Variants in CAPN13 observed in about 807,000 individuals in gnomAD.
CAPN13 encodes the protein calpain 13.
In CAPN13, 90 loss-of-function variants were observed where a neutral mutation model predicts 98.4. The observed-to-expected ratio is 0.92, with a 90% CI of 0.77 to 1.09. The LOEUF (loss-of-function observed/expected upper bound fraction) is 1.09, where lower values mean the gene tolerates loss of function less well. Ranked by LOEUF, CAPN13 falls within the 50% of genes least tolerant of loss-of-function variation. CAPN13 has a pLI of 0.00. For synonymous variants in CAPN13, 330 were observed against 305.5 expected, an observed-to-expected ratio of 1.08 and a Z score of -0.84; for missense variants, 887 against 841.3, an observed-to-expected ratio of 1.05 and a Z score of -0.67.
intron 11 of CAPN13, among the ~76,000 whole-genome samples, chr2:30,747,853 G>C (rs189753618): frequency 7.9e-5 from 12 of 152,372 alleles, no homozygotes; most frequent in Admixed American, 7.8e-4. Flanking sequence ...TGCAAGATCT[G>C]CTGGGATCTC....
intron 10 of CAPN13, among the ~76,000 whole-genome samples, chr2:30,752,560 G>A (rs1672227184): frequency 6.6e-6 from 1 of 152,158 alleles, no homozygotes; most frequent in Non-Finnish European, 1.5e-5. Flanking sequence ...CTTGTGTCTA[G>A]GTAGTGCTCT....
At chr2:30,798,706 C>A (rs911282375) in intron 1 of CAPN13, among the ~76,000 whole-genome samples, 1 of 152,214 alleles carries the variant, frequency 6.6e-6, no homozygotes, top group African/African-American at 2.4e-5. Context: ...TGTAGCAGAA[C>A]ACGACAGGGG....
At chr2:30,775,469 TA>T (rs557621909) in intron 4 of CAPN13, among the ~76,000 whole-genome samples, 4,042 of 152,036 alleles carry the variant, frequency 0.027, 67 homozygotes, top group Middle Eastern at 0.068. Flanking sequence ...TGGCTTTTTT[TA>T]AAAAAAATAG....
At chr2:30,764,385 T>A in intron 5 of CAPN13, 79 bp from the exon 6 acceptor site, 1 of 1,494,002 alleles carries the variant, frequency 6.7e-7, no homozygotes, top group African/African-American at 1.4e-5. Context: ...ACTGATCCTC[T>A]GCCTATTTCC....
At chr2:30,725,780 T>G (rs923428076) in intron 22 of CAPN13, among the ~76,000 whole-genome samples, 2 of 152,094 alleles carry the variant, frequency 1.3e-5, no homozygotes, top group African/African-American at 2.4e-5. Context: ...TTGGATAGAG[T>G]TGAAGTGACC....
chr2:30,778,939 C>A (rs1038697406), intron 2 of CAPN13, among the ~76,000 whole-genome samples: 1 of 152,156 alleles, frequency 6.6e-6, no homozygotes, highest in Non-Finnish European at 1.5e-5. Flanking sequence ...ATCCGGAGGG[C>A]CTTCGGCTGC....
At chr2:30,795,052 C>T (rs912656318) in intron 1 of CAPN13, among the ~76,000 whole-genome samples, 1 of 151,944 alleles carries the variant, frequency 6.6e-6, no homozygotes, top group African/African-American at 2.4e-5. Context: ...AAATTAAATG[C>T]TATATATAAT....
Position 30,779,213 on chromosome 2 carries a change from C to T in CAPN13, c.199-1574G>A, listed in dbSNP as rs1015114582. Among the ~76,000 whole-genome samples, 6 of 152,328 alleles carry T rather than the reference C, an allele frequency of 3.9e-5. 1 individual carries two copies. Among genetic ancestry groups the T allele is most frequent in the Non-Finnish European group, 5.9e-5 (4 of 68,028 alleles). On this transcript the variant is annotated intron_variant, in intron 2 of 22. Coordinates refer to ENST00000295055, the MANE Select transcript of CAPN13 (RefSeq NM_144575.3). ...CTGCTAGCTCCCCTCCAGGGATCCC[C>T]AGGGCAGGAGAAGGTGTGCTTGGAA...
rs187329777 is a variant in CAPN13 at position 30,796,883 on chromosome 2, A to C, written c.-32-9526T>G. ...ACAGGCTAGCCCAGCTCTAGGGGCC[A>C]CATTCCAAGAGGCTTATCGGCACTC... On this transcript the variant is annotated intron_variant, in intron 1 of 22. Transcript: ENST00000295055. Among the ~76,000 whole-genome samples the C allele has an allele frequency of 7.1e-3, 1,079 of 152,312 alleles. 16 individuals carry two copies. Among genetic ancestry groups the C allele is most frequent in the African/African-American group, 0.024 (1,011 of 41,560 alleles).
chr2:30,781,880 A>G (rs764423296), intron 2 of CAPN13, among the ~76,000 whole-genome samples: 2 of 152,208 alleles, frequency 1.3e-5, no homozygotes, highest in South Asian at 4.1e-4. Context: ...AGATATATTG[A>G]TATATTTACT....
At chr2:30,784,775 C>T (rs1342487753) in intron 2 of CAPN13, among the ~76,000 whole-genome samples, 1 of 152,202 alleles carries the variant, frequency 6.6e-6, no homozygotes, top group Non-Finnish European at 1.5e-5. Context: ...GGTCCCCCTA[C>T]TCTCTGATTC....
intron 1 of CAPN13, among the ~76,000 whole-genome samples, chr2:30,796,241 C>CAT (rs551265179): frequency 8.3e-5 from 11 of 131,850 alleles, no homozygotes; most frequent in African/African-American, 3.6e-4. Flanking sequence ...TATATGTGTG[C>CAT]ATATATATAT....
At chr2:30,771,086 C>T (rs1572850151) in intron 4 of CAPN13, among the ~76,000 whole-genome samples, 1 of 152,224 alleles carries the variant, frequency 6.6e-6, no homozygotes, top group South Asian at 2.1e-4. Context: ...TACTGGCTGG[C>T]ATCGCTACTG....
At chr2:30,770,698 T>C (rs1673359709) in intron 4 of CAPN13, among the ~76,000 whole-genome samples, 1 of 152,266 alleles carries the variant, frequency 6.6e-6, no homozygotes, top group African/African-American at 2.4e-5. Context: ...ACTTGGGTTC[T>C]AGCTTCACTT....
At chr2:30,758,686 A>C (rs1672589643) in intron 7 of CAPN13, among the ~76,000 whole-genome samples, 1 of 152,210 alleles carries the variant, frequency 6.6e-6, no homozygotes, top group Middle Eastern at 3.4e-3. Flanking sequence ...CTCGTCCTGC[A>C]TCCCGGAGCT....
rs947818962 is a variant in CAPN13 at position 30,741,907 on chromosome 2, C to T, written c.1536+1G>A. ...AGGCCCCTGGGTGCTAGGTACCATACCTGCTGAGCATATCTGTTGAAAATG... is the reference window on the plus strand; with the variant it reads ...AGGCCCCTGGGTGCTAGGTACCATATCTGCTGAGCATATCTGTTGAAAATG... On this transcript the variant is annotated splice_donor_variant, in intron 15 of 22. Transcript: ENST00000295055. LOFTEE classifies it high-confidence loss of function. 2 of 1,613,800 alleles carry T rather than the reference C, an allele frequency of 1.2e-6. No individual in the cohort carries two copies. The highest frequency in any genetic ancestry group is 2.7e-5 in the African/African-American group (2 of 74,894).
At chr2:30,769,112 C>G (rs2148034060) in intron 5 of CAPN13, among the ~76,000 whole-genome samples, 1 of 152,318 alleles carries the variant, frequency 6.6e-6, no homozygotes, top group Middle Eastern at 3.4e-3. Context: ...TGGCTTCTGA[C>G]TGCTGCGTGG....
At position 30,751,088 on chromosome 2, in the gene CAPN13, A is replaced by G. The variant is rs1170879456; in HGVS notation, c.1236+15T>C. ...AAATTTCTACAAGGGAAAGCCCTGAAGCAGGCTGCCTTACCAGAATCACTT... is the reference window on the plus strand; with the variant it reads ...AAATTTCTACAAGGGAAAGCCCTGAGGCAGGCTGCCTTACCAGAATCACTT... On this transcript the variant is annotated intron_variant, in intron 11 of 22. Transcript: ENST00000295055. The G allele has an allele frequency of 1.9e-6, 3 of 1,612,640 alleles. No individual in the cohort carries two copies. Among genetic ancestry groups the G allele is most frequent in the Non-Finnish European group, 2.5e-6 (3 of 1,179,372 alleles).
At chr2:30,740,846 C>A (rs1340587069) in intron 15 of CAPN13, among the ~76,000 whole-genome samples, 3 of 152,230 alleles carry the variant, frequency 2.0e-5, no homozygotes, top group African/African-American at 7.2e-5. Flanking sequence ...TGGTCTCAGG[C>A]ATCCTAATCC....
Sources: allele counts gnomAD v4.1 joint callset (sites outside exome capture counted in the v4.1 genomes callset), GRCh38; gene constraint gnomAD v4.1.1; transcripts MANE v1.5; gene names NCBI Gene and HGNC (gene_info 2026-07-23, HGNC 2026-07-21).